SFMBT2: variants seen among roughly 807,000 people sequenced by gnomAD.
SFMBT2 encodes the protein Scm like with four mbt domains 2.
SFMBT2 carries 38 observed loss-of-function variants against 110.1 expected under a neutral mutation model. The observed-to-expected ratio is 0.35, with a 90% CI of 0.27 to 0.45. The LOEUF is 0.45. SFMBT2 is among the 20% of genes least tolerant of loss of function. The pLI, the probability that SFMBT2 is intolerant of heterozygous loss-of-function variation, is 1.00. For missense variants in SFMBT2, 1,011 were observed against 1,094.9 expected, an observed-to-expected ratio of 0.92 and a Z score of 1.08; for synonymous variants, 425 against 425.4, an observed-to-expected ratio of 1.00 and a Z score of 0.01.
intron 7 of SFMBT2, among the ~76,000 whole-genome samples, chr10:7,252,538 C>T (rs1840845402): frequency 6.6e-6 from 1 of 152,198 alleles, no homozygotes; most frequent in Non-Finnish European, 1.5e-5. Context: ...AACTTCCCAT[C>T]TTTGCTCATC....
intron 4 of SFMBT2, among the ~76,000 whole-genome samples, chr10:7,353,590 C>A (rs563064152): frequency 6.6e-5 from 10 of 152,162 alleles, no homozygotes; most frequent in African/African-American, 2.4e-4. Context: ...TCATATACCC[C>A]CCATACAAGA....
chr10:7,365,593 TGAAG>T (rs1171378630), intron 4 of SFMBT2, among the ~76,000 whole-genome samples: 3 of 152,196 alleles, frequency 2.0e-5, no homozygotes, highest in African/African-American at 7.2e-5. Context: ...CACCCACTGA[TGAAG>T]GGAGAACAAA....
intron 9 of SFMBT2, among the ~76,000 whole-genome samples, chr10:7,242,220 C>T (rs555534932): frequency 6.6e-6 from 1 of 152,326 alleles, no homozygotes; most frequent in South Asian, 2.1e-4. Flanking sequence ...CTCATTTTAA[C>T]TCTGCTGGCA....
intron 1 of SFMBT2, among the ~76,000 whole-genome samples, chr10:7,398,586 C>G (rs890020356): frequency 6.6e-6 from 1 of 152,078 alleles, no homozygotes; most frequent in African/African-American, 2.4e-5. Flanking sequence ...GGTCAAAGGG[C>G]CTTTTTTTTT....
intron 1 of SFMBT2, among the ~76,000 whole-genome samples, chr10:7,385,553 T>C (rs897201290): frequency 6.6e-6 from 1 of 152,072 alleles, no homozygotes; most frequent in African/African-American, 2.4e-5. Flanking sequence ...AAAGGGGCCT[T>C]GAAGGCATAT....
chr10:7,210,487 A>C (rs1839307746), intron 11 of SFMBT2, among the ~76,000 whole-genome samples: 1 of 152,242 alleles, frequency 6.6e-6, no homozygotes, highest in South Asian at 2.1e-4. Context: ...CTCCTTCAGG[A>C]AGAAAATCGG....
At chr10:7,313,193 T>C (rs1391174241) in intron 4 of SFMBT2, among the ~76,000 whole-genome samples, 1 of 149,202 alleles carries the variant, frequency 6.7e-6, no homozygotes, top group Non-Finnish European at 1.5e-5. Context: ...ATATATTATA[T>C]ATAATAACAT....
intron 2 of SFMBT2, among the ~76,000 whole-genome samples, chr10:7,372,210 G>A (rs556255174): frequency 6.2e-4 from 95 of 152,200 alleles, no homozygotes; most frequent in Middle Eastern, 3.4e-3. Flanking sequence ...GAGCCGCCAC[G>A]CCCGGCCTTC....
chr10:7,206,784 A>G (rs1839150284), intron 11 of SFMBT2: 5 of 870,242 alleles, frequency 5.7e-6, no homozygotes, highest in African/African-American at 1.8e-5. Context: ...TAGTTAAAAG[A>G]AGAAAATTCG....
intron 4 of SFMBT2, among the ~76,000 whole-genome samples, chr10:7,303,454 T>C (rs1162252055): frequency 6.6e-6 from 1 of 152,154 alleles, no homozygotes; most frequent in Non-Finnish European, 1.5e-5. Context: ...ACCATTATTC[T>C]TTCCACCACG....
intron 4 of SFMBT2, among the ~76,000 whole-genome samples, chr10:7,320,307 G>A (rs1843146899): frequency 6.6e-6 from 1 of 152,142 alleles, no homozygotes; most frequent in Non-Finnish European, 1.5e-5. Flanking sequence ...CTTCCTCAAA[G>A]TACTTCCAAT....
At chr10:7,287,314 C>G (rs1472508818) in intron 4 of SFMBT2, 1 of 172,344 alleles carries the variant, frequency 5.8e-6, no homozygotes, top group South Asian at 1.9e-4. Flanking sequence ...CTCCTGACCT[C>G]GTGATCCACC....
chr10:7,200,390 G>C, intron 14 of SFMBT2, 24 bp downstream of exon 14: 1 of 1,544,904 alleles, frequency 6.5e-7, no homozygotes, highest in Non-Finnish European at 8.7e-7. Flanking sequence ...AAGGCACAGA[G>C]ACCCCCTAAA....
chr10:7,276,684 C>T (rs111897622), intron 7 of SFMBT2, among the ~76,000 whole-genome samples: 5,120 of 152,126 alleles, frequency 0.034, 284 homozygotes, highest in African/African-American at 0.12. Flanking sequence ...ACACACCACA[C>T]GCCTGGCTAA....
intron 7 of SFMBT2, chr10:7,249,373 C>T: frequency 3.5e-6 from 1 of 287,362 alleles, no homozygotes; most frequent in Non-Finnish European, 5.2e-6. Context: ...ACTTCAGCTA[C>T]ACAGCAATAG....
intron 9 of SFMBT2, among the ~76,000 whole-genome samples, chr10:7,228,738 TTCTCTCTCTCTCTCTCTCTCTCTC>T (rs56871421): frequency 1.6e-5 from 1 of 62,526 alleles, no homozygotes; most frequent in Non-Finnish European, 3.0e-5. Flanking sequence ...TTTCTTTCCT[TTCTCTCTCTCTCTCTCTCTCTCTC>T]TCTCTCTCTC....
At chr10:7,270,695 G>C (rs1440274045) in intron 7 of SFMBT2, among the ~76,000 whole-genome samples, 1 of 152,190 alleles carries the variant, frequency 6.6e-6, no homozygotes, top group East Asian at 1.9e-4. Context: ...TACTGAATAA[G>C]ATGATAATGC....
chr10:7,241,575 A>C (rs1840430701), intron 9 of SFMBT2, among the ~76,000 whole-genome samples: 1 of 152,226 alleles, frequency 6.6e-6, no homozygotes. Flanking sequence ...AATGATCATA[A>C]CTAAATATTA....
chr10:7,230,076 T>A (rs1363134031), intron 9 of SFMBT2, among the ~76,000 whole-genome samples: 1 of 152,050 alleles, frequency 6.6e-6, no homozygotes, highest in East Asian at 1.9e-4. Flanking sequence ...AAAGCAGCTG[T>A]GCTTCTTGGG....
Sources: gnomAD v4.1 joint callset for allele counts (sites outside exome capture counted in the v4.1 genomes callset) on GRCh38, gnomAD v4.1.1 for gene constraint, MANE v1.5 for transcripts, NCBI Gene and HGNC (gene_info 2026-07-23, HGNC 2026-07-21) for gene names.